Variants in DNAH2 observed in about 807,000 individuals in gnomAD.
The protein encoded by DNAH2 is dynein axonemal heavy chain 2, also known as axonemal beta dynein heavy chain 2.
A neutral mutation model predicts 523.5 loss-of-function variants in DNAH2; 323 were observed. That is an observed-to-expected ratio of 0.62 (90% confidence interval 0.56 to 0.68). The LOEUF is 0.68. Among genes scored for constraint, DNAH2 ranks in the 30% least tolerant of loss-of-function variants. DNAH2 has a pLI of 0.00. For missense variants in DNAH2, 4,907 were observed against 5,701.5 expected, an observed-to-expected ratio of 0.86 and a Z score of 4.49; for synonymous variants, 2,093 against 2,177.4, an observed-to-expected ratio of 0.96 and a Z score of 1.08.
Position 7,774,867 on chromosome 17 carries a change from T to G in DNAH2, c.4610T>G (p.Leu1537Trp). 6.2e-7 allele frequency: 1 copy of G among 1,614,228 alleles called. No homozygotes were observed. The highest frequency in any genetic ancestry group is 8.5e-7 in the Non-Finnish European group (1 of 1,180,044). The change falls in exon 29 of 86, where the codon TTG (leucine) becomes TGG (tryptophan). Residue 1537 changes from leucine (L) to tryptophan (W), a missense_variant. Leu to Trp is a moderately conservative substitution (Grantham distance 61). Around this residue, in one of 3 missense-constraint regions of DNAH2, gnomAD observed 2,806 missense variants for 3,190.8 expected, o/e 0.88. Coordinates refer to ENST00000572933, the MANE Select transcript of DNAH2 (RefSeq NM_020877.5). ...CATATTTTCCCCCGCTTCTACTTCT[T>G]GTCCAATGATGACCTGCTGGAGATT... The part of the protein sequence containing the change: ...KRHIFPRFYF[L>W]SNDDLLEILG...
chr17:7,795,672 A>T (rs959724313), intron 49 of DNAH2, among the ~76,000 whole-genome samples: 7 of 146,028 alleles, frequency 4.8e-5, no homozygotes, highest in Non-Finnish European at 7.5e-5. Flanking sequence ...TATAATATTT[A>T]TATATATATA....
At chr17:7,811,500 T>A (rs1266871620) in intron 63 of DNAH2, among the ~76,000 whole-genome samples, 1 of 152,072 alleles carries the variant, frequency 6.6e-6, no homozygotes, top group Non-Finnish European at 1.5e-5. Flanking sequence ...TTTGGGCTCC[T>A]ATAACAAAAT....
chr17:7,786,737 G>A lies in DNAH2; in HGVS notation c.6466+50G>A, dbSNP rs761227705. The A allele has an allele frequency of 2.2e-5, 35 of 1,604,760 alleles. No individual in the cohort carries two copies. In the African/African-American group the frequency reaches 3.9e-4, roughly 18 times the overall value. ...GAGAGCAGACGCCTGAGTCTCCTAA[G>A]GGGGCAGGGAGTCTGGGGATAGGAA... On this transcript the variant is annotated intron_variant, in intron 41 of 85. Coordinates refer to ENST00000572933, the MANE Select transcript of DNAH2 (RefSeq NM_020877.5). The surrounding 1 kb of genome is among the most constrained non-coding windows in gnomAD (Gnocchi z 7.5).
In DNAH2 at chr17:7,794,311, C is replaced by T. The variant is rs764040060; in HGVS notation, c.7627C>T (p.Pro2543Ser). The T allele has an allele frequency of 6.2e-7, 1 of 1,610,544 alleles. No individual in the cohort carries two copies. Among genetic ancestry groups the T allele is most frequent in the Non-Finnish European group, 8.5e-7 (1 of 1,178,520 alleles). ...TGGGGGTGGACGGACTGTCATCTCCCCAAGGCTACGGAGTCGCTTCAACAT... is the reference window on the plus strand; with the variant it reads ...TGGGGGTGGACGGACTGTCATCTCCTCAAGGCTACGGAGTCGCTTCAACAT... ...PPGGGRTVIS[P>S]RLRSRFNIIN... is the part of the protein sequence containing the mutation. Residue 2543 changes from proline (P) to serine (S), a missense_variant, in exon 49 of 86, where the codon CCA becomes TCA. Physicochemically the swap from Pro to Ser is moderately conservative, Grantham distance 74 (BLOSUM62 -1). This residue lies in a region of DNAH2 where 250 missense variants were observed against 371.3 expected (regional missense o/e 0.67). Transcript: ENST00000572933.
intron 21 of DNAH2, 130 bp from the exon 22 acceptor site, chr17:7,766,188 C>G (rs1185089609): frequency 1.0e-6 from 1 of 990,522 alleles, no homozygotes; most frequent in African/African-American, 1.6e-5. Flanking sequence ...CGCGTTCCCT[C>G]TTACTCTCCT....
At chr17:7,779,498 C>T in intron 36 of DNAH2, 75 bp downstream of exon 36, 2 of 1,435,448 alleles carry the variant, frequency 1.4e-6, no homozygotes, top group African/African-American at 2.8e-5. Flanking sequence ...TGCGCATCCT[C>T]CTCTTCCCCC....
At chr17:7,723,798 T>A in intron 3 of DNAH2, 109 bp downstream of exon 3, 1 of 966,214 alleles carries the variant, frequency 1.0e-6, no homozygotes. Flanking sequence ...CCACTTCTTC[T>A]ACTTGCTCTC....
At position 7,733,262 on chromosome 17, in the gene DNAH2, G is replaced by A. The variant is rs779041413; in HGVS notation, c.575G>A (p.Ser192Asn). 6.2e-7 allele frequency: 1 copy of A among 1,614,186 alleles called. No homozygotes were observed. Among genetic ancestry groups the A allele is most frequent in the Non-Finnish European group, 8.5e-7 (1 of 1,180,040 alleles). The change falls in exon 5 of 86, where the codon AGC (serine) becomes AAC (asparagine). Residue 192 changes from serine (S) to asparagine (N), a missense_variant. Ser to Asn is a conservative substitution (Grantham distance 46). This residue lies in a region of DNAH2 where 2,806 missense variants were observed against 3,190.8 expected (regional missense o/e 0.88). Transcript: ENST00000572933. ...QIFANTGWPE[S>N]IRNHFASHLH... is the part of the protein sequence containing the mutation. ...TTTGCAAACACAGGCTGGCCTGAGA[G>A]CATTAGAAATCATTTTGCTTCTCAT...
Position 7,778,082 on chromosome 17 carries a change from T to C in DNAH2, c.5253T>C (p.Leu1751=). 1.2e-6 allele frequency: 2 copies of C among 1,613,690 alleles called. No homozygotes were observed. The highest frequency in any genetic ancestry group is 1.7e-6 in the Non-Finnish European group (2 of 1,179,560). ...TTCTGCGCTGTTTTCCCCAGGATCT[T>C]GATGACTGTGTCATCCGCCAGACCA... The part of the protein sequence containing the change: ...SQLRFYWEKD[L]DDCVIRQTNT... Residue 1751 remains leucine, a synonymous_variant, in exon 34 of 86, where the codon CTT becomes CTC. Transcript: ENST00000572933.
chr17:7,727,107 G>A lies in DNAH2; in HGVS notation c.229-15G>A. ...GCAGTTGTAGTTACTTTGGCCCTCT[G>A]CTCTCCTTCTGTAGAAGCCCCTCTT... On this transcript the variant is annotated splice_polypyrimidine_tract_variant and intron_variant, in intron 3 of 85. Transcript: ENST00000572933. The A allele has an allele frequency of 6.5e-7, 1 of 1,534,382 alleles. No homozygotes were observed. The highest frequency in any genetic ancestry group is 8.7e-7 in the Non-Finnish European group (1 of 1,148,184).
At chr17:7,818,845 C>G in intron 70 of DNAH2, 69 bp downstream of exon 70, 1 of 1,609,322 alleles carries the variant, frequency 6.2e-7, no homozygotes, top group East Asian at 2.2e-5. Context: ...CCAGTCTACC[C>G]CAGGCACAAC....
rs546668541 is a variant in DNAH2, at chr17:7,817,578, T to C, written c.10038T>C (p.Val3346=). The C allele has an allele frequency of 5.0e-6, 8 of 1,614,134 alleles. No homozygotes were observed. The East Asian group carries it at 8.9e-5, about 18-fold the overall frequency. ...IWIGKIWELQ[V]PCSPSFAIDN... ...CTCCCCAGATCTGGGAGCTTCAGGT[T>C]CCTTGCTCCCCTTCTTTCGCCATCG... The change falls in exon 66 of 86, where the codon GTT becomes GTC. Residue 3346 remains valine, a synonymous_variant. Transcript: ENST00000572933.
In DNAH2 at chr17:7,805,394, G is replaced by A; in HGVS notation, c.9442+1G>A. The A allele has an allele frequency of 6.2e-7, 1 of 1,614,188 alleles. No individual in the cohort carries two copies. Among genetic ancestry groups the A allele is most frequent in the Non-Finnish European group, 8.5e-7 (1 of 1,180,044 alleles). ...TGGGCAGAGGCCAAGAGGCAGCTAG[G>A]TAAGCTAGAGACAATGAAATCAATG... On this transcript the variant is annotated splice_donor_variant, in intron 61 of 85. Coordinates refer to ENST00000572933, the MANE Select transcript of DNAH2 (RefSeq NM_020877.5). LOFTEE classifies it high-confidence loss of function.
At chr17:7,775,835 T>C (rs2076437043) in intron 30 of DNAH2, among the ~76,000 whole-genome samples, 189 bp from the exon 31 acceptor site, 1 of 152,146 alleles carries the variant, frequency 6.6e-6, no homozygotes, top group African/African-American at 2.4e-5. Context: ...AACCGAAATT[T>C]CCTTCTGAAA....
At chr17:7,733,032 T>C in intron 4 of DNAH2, 55 bp from the exon 5 acceptor site, 1 of 1,579,488 alleles carries the variant, frequency 6.3e-7, no homozygotes, top group South Asian at 1.1e-5. Flanking sequence ...CTTTTGTGAC[T>C]GGGTGTCATG....
intron 35 of DNAH2, 145 bp downstream of exon 35, chr17:7,778,614 T>C (rs1214844158): frequency 1.2e-6 from 1 of 839,038 alleles, no homozygotes; most frequent in East Asian, 2.8e-5. Context: ...TTATTTATTT[T>C]TTGGAGTGCA....
chr17:7,781,413 G>A (rs972317017), intron 39 of DNAH2, among the ~76,000 whole-genome samples: 2 of 152,136 alleles, frequency 1.3e-5, no homozygotes, highest in African/African-American at 4.8e-5. Flanking sequence ...AGGAGATTGA[G>A]GCTATAATGA....
intron 28 of DNAH2, among the ~76,000 whole-genome samples, 181 bp downstream of exon 28, chr17:7,771,649 T>G (rs900080823): frequency 1.3e-5 from 2 of 152,060 alleles, no homozygotes; most frequent in African/African-American, 4.8e-5. Flanking sequence ...AATATTTGAG[T>G]GGAGTATAAT....
chr17:7,735,409 C>T (rs964284769), intron 7 of DNAH2, among the ~76,000 whole-genome samples: 1 of 152,148 alleles, frequency 6.6e-6, no homozygotes, highest in African/African-American at 2.4e-5. Flanking sequence ...GGATTATAGG[C>T]GTGAGCCACC....
Sources: gnomAD v4.1 joint callset for allele counts (sites outside exome capture counted in the v4.1 genomes callset) on GRCh38, gnomAD v4.1.1 for gene constraint, gnomAD v4.1.1 regional missense constraint, Gnocchi (gnomAD v3.1) non-coding constraint, MANE v1.5 for transcripts, NCBI Gene and HGNC (gene_info 2026-07-23, HGNC 2026-07-21) for gene names.